SLC14A2: variants seen among roughly 807,000 people sequenced by gnomAD.
SLC14A2 encodes the protein solute carrier family 14 member 2, also known as urea transporter 2.
Under a neutral mutation model 104.6 loss-of-function variants are expected in SLC14A2, and 91 were observed. The ratio of observed to expected loss-of-function variants is 0.87; its 90% CI spans 0.73 to 1.04. The LOEUF (loss-of-function observed/expected upper bound fraction) is 1.04. Ranked by LOEUF, SLC14A2 falls within the 50% of genes least tolerant of loss-of-function variation. The pLI is 0.00. For synonymous variants in SLC14A2, 476 were observed against 466.4 expected, an observed-to-expected ratio of 1.02 and a Z score of -0.27; for missense variants, 1,189 against 1,156.0, an observed-to-expected ratio of 1.03 and a Z score of -0.41.
chr18:45,348,623 T>C (rs944407520), intron 1 of SLC14A2, among the ~76,000 whole-genome samples: 1 of 152,376 alleles, frequency 6.6e-6, no homozygotes, highest in East Asian at 1.9e-4. Context: ...AACAGATGAA[T>C]GTTGGACTCA....
chr18:45,330,378 A>T (rs940532689), intron 1 of SLC14A2, among the ~76,000 whole-genome samples: 1 of 152,072 alleles, frequency 6.6e-6, no homozygotes, highest in Non-Finnish European at 1.5e-5. Flanking sequence ...CTGGGGGAAA[A>T]TTTATCATTA....
intron 1 of SLC14A2, chr18:45,424,184 A>C (rs1473815274): frequency 6.6e-6 from 1 of 152,218 alleles, no homozygotes; most frequent in Non-Finnish European, 1.5e-5. Flanking sequence ...TGGGAAGTAC[A>C]CTGTTTAAAA....
chr18:45,445,337 C>G (rs1175282656), intron 1 of SLC14A2, among the ~76,000 whole-genome samples: 6 of 152,088 alleles, frequency 3.9e-5, no homozygotes, highest in Admixed American at 2.6e-4. Context: ...ATCTCGAACT[C>G]CTGACCTCAT....
At chr18:45,234,983 T>A (rs2084210841) in intron 1 of SLC14A2, among the ~76,000 whole-genome samples, 1 of 152,176 alleles carries the variant, frequency 6.6e-6, no homozygotes, top group African/African-American at 2.4e-5. Flanking sequence ...GAACTTTAGG[T>A]GTTTTTCTTT....
At chr18:45,316,494 A>G (rs2085130484) in intron 1 of SLC14A2, among the ~76,000 whole-genome samples, 1 of 152,198 alleles carries the variant, frequency 6.6e-6, no homozygotes, top group African/African-American at 2.4e-5. Flanking sequence ...TTTGAAATCT[A>G]ACATAGGAAA....
rs572982439 is a variant in SLC14A2 at position 45,391,246 on chromosome 18, T to G, written c.-124-91987T>G. On this transcript the variant is annotated intron_variant, in intron 1 of 20. Transcript: ENST00000586448. ...CAGCTTCATCCATGTCCCTACAAAGTACATGAACTCATCATTTTTTATGGC... is the reference window on the plus strand; with the variant it reads ...CAGCTTCATCCATGTCCCTACAAAGGACATGAACTCATCATTTTTTATGGC... 2.3e-3 allele frequency among the ~76,000 whole-genome samples: 344 copies of G among 152,320 alleles called. 1 individual carries two copies. The highest frequency in any genetic ancestry group is 7.5e-3 in the African/African-American group (312 of 41,578).
In SLC14A2 at chr18:45,643,966, C is replaced by T. The variant is rs2045576657; in HGVS notation, c.1177-20C>T. The T allele has an allele frequency of 1.3e-5, 21 of 1,611,192 alleles. No individual in the cohort carries two copies. The highest frequency in any genetic ancestry group is 1.8e-5 in the Non-Finnish European group (21 of 1,178,140). ...AGGAAACTAGGAAACTTCTTCAGTC[C>T]CCAATGCTTTTGTTTCCAGGTGGGC... On this transcript the variant is annotated intron_variant, in intron 9 of 19. Coordinates refer to ENST00000255226, the MANE Select transcript of SLC14A2 (RefSeq NM_007163.4).
chr18:45,511,865 C>T (rs1402092404), intron 2 of SLC14A2, among the ~76,000 whole-genome samples: 1 of 152,098 alleles, frequency 6.6e-6, no homozygotes, highest in Non-Finnish European at 1.5e-5. Context: ...GTTCAAGCCT[C>T]CATCTGCACA....
chr18:45,658,178 G>GA (rs1156892354), intron 10 of SLC14A2, among the ~76,000 whole-genome samples: 1 of 152,168 alleles, frequency 6.6e-6, no homozygotes, highest in Non-Finnish European at 1.5e-5. Context: ...GCTGGGGAGG[G>GA]ATGGCAAATA....
chr18:45,220,556 TGTC>T (rs1234583445), intron 1 of SLC14A2, among the ~76,000 whole-genome samples: 2 of 152,218 alleles, frequency 1.3e-5, no homozygotes, highest in Non-Finnish European at 2.9e-5. Flanking sequence ...TGAACCTGTC[TGTC>T]TTTCTGTTGT....
intron 1 of SLC14A2, among the ~76,000 whole-genome samples, chr18:45,338,939 C>G (rs559832578): frequency 1.6e-4 from 23 of 145,852 alleles, no homozygotes; most frequent in South Asian, 4.3e-4. Context: ...ATTCTTATAC[C>G]TTTTTTTTTT....
intron 1 of SLC14A2, among the ~76,000 whole-genome samples, chr18:45,315,985 G>C (rs192303081): frequency 1.3e-5 from 2 of 152,322 alleles, no homozygotes; most frequent in Admixed American, 1.3e-4. Context: ...GAGAGAATTT[G>C]CTTGTTAGAC....
the SLC14A2 span, among the ~76,000 whole-genome samples, chr18:45,197,037 G>A: frequency 6.6e-5 from 10 of 152,214 alleles, no homozygotes; most frequent in South Asian, 8.3e-4. Flanking sequence ...TCAGAAATCC[G>A]GAGGAAAAAG....
At chr18:45,227,727 G>GAA (rs940884090) in intron 1 of SLC14A2, among the ~76,000 whole-genome samples, 2 of 152,126 alleles carry the variant, frequency 1.3e-5, no homozygotes, top group Non-Finnish European at 2.9e-5. Flanking sequence ...ACTGGTGGGA[G>GAA]AAAAAATTGG....
the SLC14A2 span, among the ~76,000 whole-genome samples, chr18:45,202,088 T>A: frequency 7.9e-5 from 12 of 152,202 alleles, no homozygotes; most frequent in African/African-American, 2.9e-4. Context: ...AGGGCAATAC[T>A]TCAGCAGGTA....
chr18:45,674,741 C>T (rs985506541), intron 18 of SLC14A2, among the ~76,000 whole-genome samples: 6 of 152,152 alleles, frequency 3.9e-5, no homozygotes, highest in East Asian at 3.9e-4. Context: ...TATTACTATT[C>T]GTATTTTGCA....
intron 1 of SLC14A2, among the ~76,000 whole-genome samples, chr18:45,300,955 A>T (rs1173102160): frequency 6.6e-6 from 1 of 152,152 alleles, no homozygotes; most frequent in African/African-American, 2.4e-5. Flanking sequence ...ACCACAGGAG[A>T]CACTGCCTGA....
At chr18:45,208,257 AT>A (rs926706656), upstream of SLC14A2, among the ~76,000 whole-genome samples, 5 of 152,158 alleles carry the variant, frequency 3.3e-5, no homozygotes, top group Non-Finnish European at 7.4e-5. Flanking sequence ...TAAAATATAT[AT>A]TTTTTTCTCA....
rs552428728 is a variant in SLC14A2, at chr18:45,309,405, G to A, written c.-125+96214G>A. Among the ~76,000 whole-genome samples, 3 of 150,972 alleles carry A rather than the reference G, an allele frequency of 2.0e-5. No individual in the cohort carries two copies. The South Asian group carries it at 6.3e-4, about 32-fold the overall frequency. On this transcript the variant is annotated intron_variant, in intron 1 of 20. Coordinates refer to the SLC14A2 transcript ENST00000586448. Reference sequence around the variant, plus strand: ...AGTGGTGCAATCATAGCCAACTACAGCCTCCAATTCCTGGGCTCAAGCAAT... The same window carrying A: ...AGTGGTGCAATCATAGCCAACTACAACCTCCAATTCCTGGGCTCAAGCAAT...
Sources: gnomAD v4.1 joint callset for allele counts (sites outside exome capture counted in the v4.1 genomes callset) on GRCh38, gnomAD v4.1.1 for gene constraint, MANE v1.5 for transcripts, NCBI Gene and HGNC (gene_info 2026-07-23, HGNC 2026-07-21) for gene names.